The following NCKAP5 variants were observed in gnomAD, a reference collection of about 807,000 sequenced individuals.
The protein encoded by NCKAP5 is nck-associated protein 5.
In NCKAP5, 92 loss-of-function variants were observed where a neutral mutation model predicts 167.0. The observed-to-expected ratio is 0.55, with a 90% confidence interval of 0.47 to 0.66. The LOEUF (loss-of-function observed/expected upper bound fraction) is 0.66. Among genes scored for constraint, NCKAP5 ranks in the 30% least tolerant of loss-of-function variants. The pLI is 0.00. For missense variants in NCKAP5, 2,378 were observed against 2,315.0 expected (o/e 1.03, Z -0.56); for synonymous variants, 891 against 877.4 (o/e 1.02, Z -0.27).
the NCKAP5 span, among the ~76,000 whole-genome samples, chr2:133,647,399 G>A: frequency 8.5e-6 from 1 of 117,042 alleles, no homozygotes; most frequent in African/African-American, 4.0e-5. Flanking sequence ...AAGGAAGGAA[G>A]GAAGGAAGGA....
At chr2:133,532,951 A>C (rs912813546) in intron 2 of NCKAP5, among the ~76,000 whole-genome samples, 1 of 152,180 alleles carries the variant, frequency 6.6e-6, no homozygotes, top group African/African-American at 2.4e-5. Flanking sequence ...TTCAGAGGCT[A>C]GAGGGAGGTG....
At chr2:133,663,103 A>G in the NCKAP5 span, among the ~76,000 whole-genome samples, 1 of 151,986 alleles carries the variant, frequency 6.6e-6, no homozygotes, top group African/African-American at 2.4e-5. Flanking sequence ...CGTCTCTACT[A>G]AAAATACAAA....
intron 4 of NCKAP5, among the ~76,000 whole-genome samples, chr2:133,232,540 C>T (rs1559297360): frequency 6.6e-6 from 1 of 152,148 alleles, no homozygotes; most frequent in African/African-American, 2.4e-5. Context: ...CAAACAGGGA[C>T]TCTCACAAAT....
chr2:133,073,623 G>T (rs1172990040), intron 6 of NCKAP5, among the ~76,000 whole-genome samples: 1 of 152,078 alleles, frequency 6.6e-6, no homozygotes, highest in East Asian at 1.9e-4. Flanking sequence ...AAAACAAAAA[G>T]AATCATCAAT....
Position 133,166,727 on chromosome 2 carries a change from G to C in NCKAP5, c.208-36616C>G, listed in dbSNP as rs188304344. ...ATGTCTTTCATTTCGGCACAGTCTT[G>C]GACTGTCTTTAAAATTCATCACATA... On this transcript the variant is annotated intron_variant, in intron 5 of 19. Coordinates refer to ENST00000409261, the MANE Select transcript of NCKAP5 (RefSeq NM_207363.3). Among the ~76,000 whole-genome samples the C allele has an allele frequency of 2.7e-4, 41 of 152,164 alleles. No homozygotes were observed. The East Asian group carries it at 7.5e-3, about 28-fold the overall frequency.
chr2:133,250,811 T>C (rs1160556647), intron 4 of NCKAP5, among the ~76,000 whole-genome samples: 5 of 151,976 alleles, frequency 3.3e-5, no homozygotes, highest in Admixed American at 6.5e-5. Context: ...AAACCTGTAG[T>C]CTCAGCTACT....
rs147284458 is a variant in NCKAP5, at chr2:133,209,107, G to T, written c.207+4609C>A. On this transcript the variant is annotated intron_variant, in intron 5 of 19. Transcript: ENST00000409261. ...AACTATAAAAGTTCTAGAAGATAAT[G>T]AGAATGAATACCTTCATACTCTTGG... 2.5e-3 allele frequency among the ~76,000 whole-genome samples: 381 copies of T among 151,904 alleles called. 1 individual carries two copies. Among genetic ancestry groups the T allele is most frequent in the Admixed American group, 3.4e-3 (52 of 15,246 alleles).
intron 10 of NCKAP5, among the ~76,000 whole-genome samples, chr2:132,865,362 C>T (rs1183067727): frequency 6.6e-6 from 1 of 152,136 alleles, no homozygotes; most frequent in Non-Finnish European, 1.5e-5. Context: ...TAACTACAGT[C>T]ACTTGAGCCC....
intron 3 of NCKAP5, among the ~76,000 whole-genome samples, chr2:133,320,685 A>G (rs765888072): frequency 6.6e-5 from 10 of 152,078 alleles, no homozygotes; most frequent in Non-Finnish European, 1.5e-4. Context: ...CCGAGATCAC[A>G]CCACTGCACT....
intron 4 of NCKAP5, among the ~76,000 whole-genome samples, chr2:133,283,869 C>T (rs1185182541): frequency 2.0e-5 from 3 of 152,098 alleles, no homozygotes; most frequent in Non-Finnish European, 2.9e-5. Flanking sequence ...CCTCGGCCTC[C>T]CAAAGTGCTA....
In NCKAP5 at chr2:133,362,470, C is replaced by A. The variant is rs535644205; in HGVS notation, c.70-59360G>T. 8.5e-4 allele frequency among the ~76,000 whole-genome samples: 130 copies of A among 152,256 alleles called. No homozygotes were observed. The Middle Eastern group carries it at 0.01, about 12-fold the overall frequency. On this transcript the variant is annotated intron_variant, in intron 3 of 19. Transcript: ENST00000409261. ...AAAATGTGTTTGTTTGTTTTTAGAACATGTCAGGAGTTTTTAATTTTTAAA... is the reference window on the plus strand; with the variant it reads ...AAAATGTGTTTGTTTGTTTTTAGAAAATGTCAGGAGTTTTTAATTTTTAAA...
chr2:132,873,330 G>T (rs946660829), intron 9 of NCKAP5, among the ~76,000 whole-genome samples: 4 of 152,020 alleles, frequency 2.6e-5, no homozygotes, highest in East Asian at 3.9e-4. Flanking sequence ...AGCCAGGATG[G>T]TCTCGATCTC....
chr2:132,957,827 T>C (rs2076387572), intron 8 of NCKAP5, among the ~76,000 whole-genome samples: 1 of 152,194 alleles, frequency 6.6e-6, no homozygotes, highest in Admixed American at 6.5e-5. Flanking sequence ...AAGGAAGGAA[T>C]GCTGCAAGCA....
chr2:132,805,076 C>A (rs1459854502), intron 11 of NCKAP5, among the ~76,000 whole-genome samples: 2 of 152,020 alleles, frequency 1.3e-5, no homozygotes, highest in Non-Finnish European at 2.9e-5. Flanking sequence ...CCAGGTTCTG[C>A]TTTAGAGGCA....
intron 3 of NCKAP5, among the ~76,000 whole-genome samples, chr2:133,450,204 T>C (rs1268561073): frequency 6.6e-6 from 1 of 152,208 alleles, no homozygotes; most frequent in South Asian, 2.1e-4. Context: ...CAGTCTGTGC[T>C]GCCCATCTGT....
At chr2:133,522,180 A>T (rs556412486) in intron 2 of NCKAP5, among the ~76,000 whole-genome samples, 3 of 152,188 alleles carry the variant, frequency 2.0e-5, no homozygotes, top group African/African-American at 7.2e-5. Flanking sequence ...CAGCATCAAC[A>T]GCAGGTGACT....
At chr2:133,402,832 CCT>C (rs1285349145) in intron 3 of NCKAP5, among the ~76,000 whole-genome samples, 5 of 152,284 alleles carry the variant, frequency 3.3e-5, no homozygotes, top group African/African-American at 1.2e-4. Flanking sequence ...CCAAAATAAA[CCT>C]CTTTTATTTA....
At chr2:133,508,921 A>G (rs1026464202) in intron 3 of NCKAP5, among the ~76,000 whole-genome samples, 1 of 152,258 alleles carries the variant, frequency 6.6e-6, no homozygotes, top group Non-Finnish European at 1.5e-5. Context: ...CATAGCATTT[A>G]TAAAAGGCTT....
intron 6 of NCKAP5, among the ~76,000 whole-genome samples, chr2:133,105,310 G>C (rs1043922611): frequency 6.6e-6 from 1 of 152,074 alleles, no homozygotes; most frequent in Non-Finnish European, 1.5e-5. Flanking sequence ...ATTTGCTAAG[G>C]GACATTACTT....
Sources: gnomAD v4.1 joint callset for allele counts (sites outside exome capture counted in the v4.1 genomes callset) on GRCh38, gnomAD v4.1.1 for gene constraint, MANE v1.5 for transcripts, NCBI Gene and HGNC (gene_info 2026-07-23, HGNC 2026-07-21) for gene names.